The following PAX3 variants were observed in gnomAD, a reference collection of about 807,000 sequenced individuals.
PAX3 encodes the protein paired box protein Pax-3.
In PAX3, 14 loss-of-function variants were observed where a neutral mutation model predicts 51.6. The ratio of observed to expected loss-of-function variants is 0.27; its 90% CI spans 0.18 to 0.42. The LOEUF is 0.42. PAX3 is among the 10% of genes least tolerant of loss of function. The probability of loss-of-function intolerance (pLI) is 1.00; values close to 1 mark genes in which losing one functional copy is unlikely to be tolerated. For missense variants in PAX3, 540 were observed against 642.8 expected, an observed-to-expected ratio of 0.84 and a Z score of 1.73; for synonymous variants, 280 against 253.4, an observed-to-expected ratio of 1.11 and a Z score of -1.00.
intron 7 of PAX3, among the ~76,000 whole-genome samples, chr2:222,212,848 C>T (rs1691798484): frequency 6.6e-6 from 1 of 152,306 alleles, no homozygotes; most frequent in Non-Finnish European, 1.5e-5. Flanking sequence ...AGGCCATTGG[C>T]CCCACATAAT....
Position 222,201,053 on chromosome 2 carries a change from ACG to A in PAX3, c.*353_*354del, listed in dbSNP as rs112830087. The A allele has an allele frequency of 8.9e-6, 9 of 1,008,522 alleles. No homozygotes were observed. Among genetic ancestry groups the A allele is most frequent in the Non-Finnish European group, 1.4e-5 (9 of 661,778 alleles). 62.5% of individuals were successfully genotyped at this position (1,008,522 alleles called of 1,614,324 possible). A position where few individuals can be genotyped will look rare whatever the true frequency, so the allele number is the denominator to read the frequency against. On this transcript the variant is annotated 3_prime_UTR_variant, in exon 9 of 9. Transcript: ENST00000392070. ...TCTCAATACACACACACACACACAC[ACG>A]CACGCACGCACACAAGCAAATGGAA...
chr2:222,205,732 G>A (rs895692567), intron 7 of PAX3, among the ~76,000 whole-genome samples: 2 of 151,972 alleles, frequency 1.3e-5, no homozygotes, highest in Non-Finnish European at 2.9e-5. Flanking sequence ...GTTGGTGGGG[G>A]GAGTGAGGAC....
At chr2:222,247,028 A>G (rs1297459446) in intron 4 of PAX3, among the ~76,000 whole-genome samples, 1 of 152,182 alleles carries the variant, frequency 6.6e-6, no homozygotes, top group Non-Finnish European at 1.5e-5. Context: ...ATTCATCCAA[A>G]CAAACATTGA....
At chr2:222,285,254 G>A (rs1287584820) in intron 4 of PAX3, among the ~76,000 whole-genome samples, 2 of 152,170 alleles carry the variant, frequency 1.3e-5, no homozygotes, top group African/African-American at 4.8e-5. Flanking sequence ...TTGAATATTG[G>A]AAGAATTTAA....
intron 4 of PAX3, among the ~76,000 whole-genome samples, chr2:222,235,445 C>T (rs900899067): frequency 6.6e-6 from 1 of 152,192 alleles, no homozygotes; most frequent in Non-Finnish European, 1.5e-5. Flanking sequence ...TATGACATCT[C>T]CCAACATCTA....
At chr2:222,280,707 A>G (rs1034052781) in intron 4 of PAX3, among the ~76,000 whole-genome samples, 2 of 152,204 alleles carry the variant, frequency 1.3e-5, no homozygotes, top group Non-Finnish European at 2.9e-5. Flanking sequence ...GAAGACCCAG[A>G]GGAGCCAAGG....
At chr2:222,281,845 AC>A (rs1330985583) in intron 4 of PAX3, among the ~76,000 whole-genome samples, 1 of 152,058 alleles carries the variant, frequency 6.6e-6, no homozygotes, top group Admixed American at 6.6e-5. Flanking sequence ...CCCCTGACTG[AC>A]CCCTTTAGAT....
chr2:222,260,578 GTTTTTTTTTTTTGTTTTTTTTTTTTT>G (rs1315617333), intron 4 of PAX3, among the ~76,000 whole-genome samples: 7,948 of 61,934 alleles, frequency 0.13, 209 homozygotes, highest in Middle Eastern at 0.2. Context: ...TTTTTTTTTT[GTTTTTTTTTTTTGTTTTTTTTTTTTT>G]TTTTTGAGGC....
intron 3 of PAX3, among the ~76,000 whole-genome samples, chr2:222,294,758 G>C (rs45524033): frequency 3.9e-4 from 34 of 87,092 alleles, no homozygotes; most frequent in South Asian, 3.0e-3. Context: ...ACTTGTCCGC[G>C]CCCCCCCCCA....
At position 222,260,722 on chromosome 2, in the gene PAX3, C is replaced by A. The variant is rs114165290; in HGVS notation, c.587-28439G>T. 9.8e-3 allele frequency among the ~76,000 whole-genome samples: 1,491 copies of A among 151,412 alleles called. 25 individuals are homozygous for A. Among genetic ancestry groups the A allele is most frequent in the African/African-American group, 0.033 (1,380 of 41,218 alleles). On this transcript the variant is annotated intron_variant, in intron 4 of 8. Coordinates refer to ENST00000392070, the MANE Select transcript of PAX3 (RefSeq NM_181458.4). ...TTCTCCTCCTCAGCTTCCTGAGTAG[C>A]TGGAATTACAGGTGTGAACCCCCAT...
intron 5 of PAX3, among the ~76,000 whole-genome samples, chr2:222,231,712 G>A (rs1692602879): frequency 6.6e-6 from 1 of 152,134 alleles, no homozygotes; most frequent in South Asian, 2.1e-4. Flanking sequence ...ACCCACCTAG[G>A]ATTTTAATAA....
rs539167888 is a variant in PAX3 at position 222,242,483 on chromosome 2, A to C, written c.587-10200T>G. On this transcript the variant is annotated intron_variant, in intron 4 of 8. Transcript: ENST00000392070. ...TCTTTGGAGGGATACTGTCATCCCC[A>C]TCTTACAGATGGGCAAAAATGAGGT... 8 of 152,294 alleles carry C rather than the reference A, an allele frequency of 5.3e-5. No individual in the cohort carries two copies. In the East Asian group the frequency reaches 1.4e-3, roughly 26 times the overall value. The allele number at this position is 152,294 out of a possible 1,614,324, so 9.4% of individuals were successfully genotyped here.
In PAX3 at chr2:222,298,620, G is replaced by C. The variant is rs746201553; in HGVS notation, c.-5C>G. 6.2e-7 allele frequency: 1 copy of C among 1,603,006 alleles called. No homozygotes were observed. The highest frequency in any genetic ancestry group is 8.5e-7 in the Non-Finnish European group (1 of 1,175,154). On this transcript the variant is annotated 5_prime_UTR_variant, in exon 1 of 9. Transcript: ENST00000392070. ...AGCGCCGGCCAGCGTGGTCATCCTGGGGGCAGCTTCGCTCGGAAATTATAT... is the reference window on the plus strand; with the variant it reads ...AGCGCCGGCCAGCGTGGTCATCCTGCGGGCAGCTTCGCTCGGAAATTATAT...
chr2:222,201,298 A>C lies in PAX3; in HGVS notation c.*110T>G, dbSNP rs200820614. 3.6e-5 allele frequency: 58 copies of C among 1,598,696 alleles called. No individual in the cohort carries two copies. In the East Asian group the frequency reaches 4.2e-4, roughly 12 times the overall value. On this transcript the variant is annotated 3_prime_UTR_variant, in exon 9 of 9. Coordinates refer to ENST00000392070, the MANE Select transcript of PAX3 (RefSeq NM_181458.4). Reference sequence around the variant, plus strand: ...TGTCTCCTATTGGGACCACTGCCCCACCCCCCCCAACAAAAGGGTAATTTT... The same window carrying C: ...TGTCTCCTATTGGGACCACTGCCCCCCCCCCCCCAACAAAAGGGTAATTTT...
At chr2:222,278,693 C>T (rs553045233) in intron 4 of PAX3, among the ~76,000 whole-genome samples, 1 of 152,236 alleles carries the variant, frequency 6.6e-6, no homozygotes. Context: ...TGCCCACCAG[C>T]AAGGAGCTCC....
At chr2:222,257,786 C>A (rs960837014) in intron 4 of PAX3, among the ~76,000 whole-genome samples, 1 of 152,236 alleles carries the variant, frequency 6.6e-6, no homozygotes, top group Non-Finnish European at 1.5e-5. Flanking sequence ...CAAGGCAGCG[C>A]ATGGCTGGGC....
intron 7 of PAX3, among the ~76,000 whole-genome samples, chr2:222,211,571 C>A (rs1299543456): frequency 6.6e-6 from 1 of 151,994 alleles, no homozygotes; most frequent in Admixed American, 6.6e-5. Flanking sequence ...AGACAGAAGA[C>A]ACCATCAGAC....
chr2:222,223,327 TC>T (rs1005435689), intron 5 of PAX3, among the ~76,000 whole-genome samples: 6 of 152,184 alleles, frequency 3.9e-5, no homozygotes, highest in African/African-American at 1.2e-4. Context: ...GTTAATATTT[TC>T]CCATGTTGAT....
chr2:222,297,244 A>G (rs376941714), intron 1 of PAX3, 31 bp from the exon 2 acceptor site: 1 of 1,474,024 alleles, frequency 6.8e-7, no homozygotes, highest in Admixed American at 2.0e-5. Context: ...GAAGCAAGGG[A>G]AAAGTCACTG....
Sources: gnomAD v4.1 joint callset for allele counts (sites outside exome capture counted in the v4.1 genomes callset) on GRCh38, gnomAD v4.1.1 for gene constraint, MANE v1.5 for transcripts, NCBI Gene and HGNC (gene_info 2026-07-23, HGNC 2026-07-21) for gene names.